Variants in PTBP3 observed in about 807,000 individuals in gnomAD.
PTBP3 encodes polypyrimidine tract binding protein 3.
PTBP3 carries 20 observed loss-of-function variants against 58.7 expected under a neutral mutation model. That is an observed-to-expected ratio of 0.34 (90% confidence interval 0.24 to 0.50). PTBP3 has a LOEUF of 0.50. Ranked by LOEUF, PTBP3 falls within the 20% of genes least tolerant of loss-of-function variation. PTBP3 has a pLI of 0.98. For missense variants in PTBP3, 509 were observed against 637.2 expected, an observed-to-expected ratio of 0.80 and a Z score of 2.17; for synonymous variants, 185 against 219.8, an observed-to-expected ratio of 0.84 and a Z score of 1.40.
chr9:112,298,569 G>A (rs1330875372), intron 1 of PTBP3: 1 of 507,914 alleles, frequency 2.0e-6, no homozygotes, highest in South Asian at 1.4e-5. Context: ...TTTCAGGAAG[G>A]ACAATAAATA....
At chr9:112,254,139 C>T (rs1050080782) in intron 5 of PTBP3, among the ~76,000 whole-genome samples, 1 of 152,040 alleles carries the variant, frequency 6.6e-6, no homozygotes, top group Non-Finnish European at 1.5e-5. Flanking sequence ...TACACCACAT[C>T]TGGCTAATTT....
At chr9:112,256,311 T>A (rs867838263) in intron 5 of PTBP3, among the ~76,000 whole-genome samples, 82 of 133,470 alleles carry the variant, frequency 6.1e-4, no homozygotes, top group East Asian at 2.5e-3. Flanking sequence ...ATATATATAT[T>A]TATCTATCTT....
At chr9:112,324,599 A>C (rs1238634757) in intron 1 of PTBP3, among the ~76,000 whole-genome samples, 1 of 151,790 alleles carries the variant, frequency 6.6e-6, no homozygotes, top group African/African-American at 2.4e-5. Context: ...GCAGTGAGCC[A>C]AGATCGCACC....
Position 112,276,067 on chromosome 9 carries a change from A to G in PTBP3, c.35-54T>C. ...TACTGCAACTAATTTGGGTTGACAT[A>G]CTACATTAATCATATTGTCACATTT... On this transcript the variant is annotated intron_variant, in intron 2 of 13. Transcript: ENST00000374257. 3 of 1,479,536 alleles carry G rather than the reference A, an allele frequency of 2.0e-6. No individual in the cohort carries two copies. In the South Asian group the frequency reaches 3.4e-5, roughly 17 times the overall value. The allele number at this position is 1,479,536 out of a possible 1,614,324, so 91.7% of individuals were successfully genotyped here. A position where few individuals can be genotyped will look rare whatever the true frequency, so the allele number is the denominator to read the frequency against.
chr9:112,305,474 C>T (rs1462881621), intron 1 of PTBP3, among the ~76,000 whole-genome samples: 1 of 152,150 alleles, frequency 6.6e-6, no homozygotes, highest in Non-Finnish European at 1.5e-5. Flanking sequence ...AACGCCAAGG[C>T]TCCAGTGAGT....
chr9:112,301,160 A>T (rs1183914169), intron 1 of PTBP3, among the ~76,000 whole-genome samples: 1 of 152,186 alleles, frequency 6.6e-6, no homozygotes, highest in East Asian at 1.9e-4. Flanking sequence ...CTTAAGATCA[A>T]CAATAAAAAA....
chr9:112,297,810 TA>T (rs200517232), intron 2 of PTBP3, 21 bp downstream of exon 2: 35,373 of 1,141,556 alleles, frequency 0.031, no homozygotes, highest in Non-Finnish European at 0.033. Context: ...AATCAAATAT[TA>T]AAAAAAAAAA....
intron 4 of PTBP3, among the ~76,000 whole-genome samples, chr9:112,265,354 T>A (rs1358869953): frequency 6.9e-6 from 1 of 144,660 alleles, no homozygotes; most frequent in African/African-American, 2.6e-5. Context: ...AATACAAAAA[T>A]TAGCTGGGCG....
the PTBP3 span, among the ~76,000 whole-genome samples, chr9:112,367,697 C>A: frequency 6.6e-6 from 1 of 152,076 alleles, no homozygotes; most frequent in South Asian, 2.1e-4. Context: ...TAATGAGTTC[C>A]TTTTCTCTTG....
chr9:112,308,466 G>T (rs1048112621), intron 1 of PTBP3, among the ~76,000 whole-genome samples: 4 of 151,370 alleles, frequency 2.6e-5, no homozygotes, highest in African/African-American at 9.7e-5. Context: ...AAATGAAAAG[G>T]ATTTCTCAAA....
chr9:112,294,566 G>T (rs1364810455), intron 2 of PTBP3, among the ~76,000 whole-genome samples: 1 of 152,108 alleles, frequency 6.6e-6, no homozygotes, highest in Non-Finnish European at 1.5e-5. Context: ...TATATTAAAA[G>T]ATTAAATAAT....
chr9:112,342,845 G>A, the PTBP3 span, among the ~76,000 whole-genome samples: 1 of 138,650 alleles, frequency 7.2e-6, no homozygotes, highest in Non-Finnish European at 1.5e-5. Context: ...ACCAAACAAT[G>A]ACATCACAGT....
upstream of PTBP3, among the ~76,000 whole-genome samples, chr9:112,334,750 C>T (rs189090420): frequency 6.8e-4 from 104 of 152,340 alleles, no homozygotes; most frequent in African/African-American, 2.5e-3. Context: ...ATTCATCATT[C>T]AGTCAGTATT....
chr9:112,273,741 G>T (rs10981338), intron 3 of PTBP3, among the ~76,000 whole-genome samples: 85,337 of 151,942 alleles, frequency 0.56, 25,924 homozygotes, highest in African/African-American at 0.81. Context: ...CTGGGAAAAA[G>T]AATCCCCATT....
At chr9:112,218,220 C>T (rs1157032521), downstream of PTBP3, 3 of 152,220 alleles carry the variant, frequency 2.0e-5, no homozygotes, top group Non-Finnish European at 4.4e-5. Flanking sequence ...AAGCACTTTG[C>T]TCCTCAAAAC....
chr9:112,267,266 C>T (rs960387744), intron 4 of PTBP3, among the ~76,000 whole-genome samples: 18 of 151,734 alleles, frequency 1.2e-4, no homozygotes, highest in South Asian at 4.1e-4. Context: ...CCCAGGCTCA[C>T]GCCATTCCCC....
chr9:112,326,116 CG>C (rs1479410871), intron 1 of PTBP3, among the ~76,000 whole-genome samples: 2 of 152,088 alleles, frequency 1.3e-5, no homozygotes, highest in Non-Finnish European at 2.9e-5. Flanking sequence ...TTCTAGACTG[CG>C]TGTTCTATTA....
intron 1 of PTBP3, 25 bp downstream of exon 1, chr9:112,333,445 G>A: frequency 6.4e-7 from 1 of 1,572,032 alleles, no homozygotes; most frequent in Non-Finnish European, 8.6e-7. Flanking sequence ...AACCCGGTGC[G>A]GCCGCCGCGC....
the PTBP3 span, among the ~76,000 whole-genome samples, chr9:112,364,714 A>G: frequency 6.6e-6 from 1 of 152,248 alleles, no homozygotes; most frequent in Admixed American, 6.5e-5. Flanking sequence ...GTGAGGACAC[A>G]TTATTGGAAA....
Sources: allele counts gnomAD v4.1 joint callset (sites outside exome capture counted in the v4.1 genomes callset), GRCh38; gene constraint gnomAD v4.1.1; transcripts MANE v1.5; gene names NCBI Gene and HGNC (gene_info 2026-07-23, HGNC 2026-07-21).